The following XPNPEP3 variants were observed in gnomAD, a reference collection of about 807,000 sequenced individuals.
The protein encoded by XPNPEP3 is xaa-Pro aminopeptidase 3.
In XPNPEP3, 41 loss-of-function variants were observed where a neutral mutation model predicts 60.0. The ratio of observed to expected loss-of-function variants is 0.68; its 90% CI spans 0.53 to 0.89. The LOEUF is 0.89. Ranked by LOEUF, XPNPEP3 falls within the 40% of genes least tolerant of loss-of-function variation. XPNPEP3 has a pLI of 0.00. For synonymous variants in XPNPEP3, 212 were observed against 223.2 expected (o/e 0.95, Z 0.45); for missense variants, 598 against 638.9 (o/e 0.94, Z 0.69).
At chr22:40,918,267 A>T (rs2058203789) in intron 7 of XPNPEP3, among the ~76,000 whole-genome samples, 1 of 152,038 alleles carries the variant, frequency 6.6e-6, no homozygotes, top group African/African-American at 2.4e-5. Flanking sequence ...CCAGCTACTT[A>T]GGATGCTGAG....
At chr22:40,862,097 A>T (rs1249019097) in intron 1 of XPNPEP3, 2 of 1,511,426 alleles carry the variant, frequency 1.3e-6, no homozygotes, top group African/African-American at 2.8e-5. Context: ...GACTGCAAAT[A>T]GGTACACTTT....
In XPNPEP3 at chr22:40,928,799, C is replaced by T. The variant is rs1423688395; in HGVS notation, c.*2364C>T. ...TCTGTAATGCTGGAAGTTTGCCTAT[C>T]TTATCAGGGAAACCCAGGGTACAGA... On this transcript the variant is annotated 3_prime_UTR_variant, in exon 10 of 10. Coordinates refer to ENST00000357137, the MANE Select transcript of XPNPEP3 (RefSeq NM_022098.4). The T allele has an allele frequency of 6.6e-6, 1 of 152,216 alleles. No individual in the cohort carries two copies. Among genetic ancestry groups the T allele is most frequent in the African/African-American group, 2.4e-5 (1 of 41,448 alleles). 9.4% of individuals were successfully genotyped at this position (152,216 alleles called of 1,614,324 possible). A position where few individuals can be genotyped will look rare whatever the true frequency, so the allele number is the denominator to read the frequency against.
rs1041815271 is a variant in XPNPEP3, at chr22:40,862,054, T to A, written c.64+4809T>A. The A allele has an allele frequency of 2.6e-6, 4 of 1,530,526 alleles. No homozygotes were observed. The African/African-American group carries it at 4.2e-5, about 16-fold the overall frequency. The allele number at this position is 1,530,526 out of a possible 1,614,324, so 94.8% of individuals were successfully genotyped here. On this transcript the variant is annotated intron_variant, in intron 1 of 9. Coordinates refer to ENST00000357137, the MANE Select transcript of XPNPEP3 (RefSeq NM_022098.4). The stretch of plus-strand genomic sequence containing the variant: ...TATTGAGAACCGTGGTTTCCTCAGC[T>A]CAGGCTCTGCTGGTGGTGGTGATAG...
In XPNPEP3 at chr22:40,932,437, A is replaced by G. The variant is rs1352518214; in HGVS notation, c.*6002A>G. On this transcript the variant is annotated 3_prime_UTR_variant, in exon 10 of 10. Coordinates refer to ENST00000357137, the MANE Select transcript of XPNPEP3 (RefSeq NM_022098.4). ...AATTTGAGGTGTTTTTTATGCTCCT[A>G]ATGAAAAGATGAATGAATGCATCAT... The G allele has an allele frequency of 6.6e-6, 1 of 152,012 alleles. No homozygotes were observed. Among genetic ancestry groups the G allele is most frequent in the Non-Finnish European group, 1.5e-5 (1 of 68,010 alleles). The allele number at this position is 152,012 out of a possible 1,614,324, so 9.4% of individuals were successfully genotyped here.
chr22:40,919,556 G>A (rs1039246658), intron 7 of XPNPEP3, among the ~76,000 whole-genome samples: 5 of 152,142 alleles, frequency 3.3e-5, no homozygotes, highest in Admixed American at 2.0e-4. Flanking sequence ...GTAGAGACAC[G>A]GTTTCGCTAT....
At chr22:40,914,469 G>T in intron 7 of XPNPEP3, 145 bp downstream of exon 7, 2 of 605,054 alleles carry the variant, frequency 3.3e-6, no homozygotes, top group East Asian at 4.1e-5. Context: ...TATTTTCTAA[G>T]ACTGTTTTGT....
At chr22:40,912,341 G>A (rs2058180159) in intron 6 of XPNPEP3, among the ~76,000 whole-genome samples, 1 of 152,092 alleles carries the variant, frequency 6.6e-6, no homozygotes, top group African/African-American at 2.4e-5. Flanking sequence ...AACTGTGATA[G>A]TACCAAAGAT....
chr22:40,886,289 T>G, intron 3 of XPNPEP3, 24 bp from the exon 4 acceptor site: 5 of 1,612,340 alleles, frequency 3.1e-6, no homozygotes, highest in Non-Finnish European at 4.2e-6. Context: ...GTTTTAAATT[T>G]ATTTTTCGGC....
intron 7 of XPNPEP3, among the ~76,000 whole-genome samples, chr22:40,922,003 G>A (rs1461051789): frequency 6.6e-6 from 1 of 151,850 alleles, no homozygotes; most frequent in Non-Finnish European, 1.5e-5. Context: ...AGTCTATGCT[G>A]TAAGGGATTA....
chr22:40,906,762 A>C (rs1437608437), intron 4 of XPNPEP3, among the ~76,000 whole-genome samples: 1 of 152,244 alleles, frequency 6.6e-6, no homozygotes, highest in Non-Finnish European at 1.5e-5. Flanking sequence ...TTGTCCTGCT[A>C]TTACAAAGTA....
chr22:40,868,553 C>T (rs1379400579), intron 1 of XPNPEP3, among the ~76,000 whole-genome samples: 1 of 152,016 alleles, frequency 6.6e-6, no homozygotes, highest in African/African-American at 2.4e-5. Context: ...AGAGCAAAGG[C>T]CATATAAATA....
chr22:40,907,145 G>A (rs1023935100), intron 4 of XPNPEP3: 14 of 456,714 alleles, frequency 3.1e-5, no homozygotes, highest in Admixed American at 7.0e-5. Flanking sequence ...TTATTGGCCC[G>A]GCACGGTGGC....
chr22:40,890,188 C>T (rs190456126), intron 4 of XPNPEP3, among the ~76,000 whole-genome samples: 3 of 152,240 alleles, frequency 2.0e-5, no homozygotes, highest in East Asian at 3.9e-4. Flanking sequence ...CCCTATATTA[C>T]ATCATATAGC....
intron 4 of XPNPEP3, among the ~76,000 whole-genome samples, chr22:40,894,092 G>A (rs1379211743): frequency 6.6e-6 from 1 of 152,160 alleles, no homozygotes; most frequent in East Asian, 1.9e-4. Context: ...AGGATCGCTT[G>A]AGGCCAGGAG....
At chr22:40,875,756 A>G (rs753503578) in intron 2 of XPNPEP3, among the ~76,000 whole-genome samples, 7 of 151,924 alleles carry the variant, frequency 4.6e-5, no homozygotes, top group Non-Finnish European at 8.8e-5. Context: ...TCTCACACCT[A>G]TAATCCCAGC....
chr22:40,888,304 C>G (rs901765990), intron 4 of XPNPEP3: 1 of 272,158 alleles, frequency 3.7e-6, no homozygotes, highest in African/African-American at 2.3e-5. Flanking sequence ...AGTGCAGTAG[C>G]ATGATCACAG....
intron 7 of XPNPEP3, among the ~76,000 whole-genome samples, chr22:40,921,029 T>C (rs1373209683): frequency 6.6e-6 from 1 of 152,190 alleles, no homozygotes; most frequent in Non-Finnish European, 1.5e-5. Context: ...CGACCTCAGG[T>C]GATCCACCCG....
At chr22:40,909,083 C>G (rs746778516) in intron 5 of XPNPEP3, 39 bp from the exon 6 acceptor site, 10 of 1,590,988 alleles carry the variant, frequency 6.3e-6, no homozygotes, top group Non-Finnish European at 8.6e-6. Context: ...GGCAGCCCTA[C>G]AGAAACCCTT....
intron 6 of XPNPEP3, among the ~76,000 whole-genome samples, chr22:40,910,372 T>A (rs1348963182): frequency 6.6e-6 from 1 of 152,120 alleles, no homozygotes; most frequent in African/African-American, 2.4e-5. Context: ...ATACAAATTG[T>A]ATGCTCTGTA....
Sources: gnomAD v4.1 joint callset for allele counts (sites outside exome capture counted in the v4.1 genomes callset) on GRCh38, gnomAD v4.1.1 for gene constraint, MANE v1.5 for transcripts, NCBI Gene and HGNC (gene_info 2026-07-23, HGNC 2026-07-21) for gene names.